The following ARHGEF9 variants were observed in gnomAD, a reference collection of about 807,000 sequenced individuals.
ARHGEF9 encodes the protein rho guanine nucleotide exchange factor 9.
In ARHGEF9, 2 loss-of-function variants were observed where a neutral mutation model predicts 41.3. The observed-to-expected ratio is 0.05, with a 90% CI of 0.02 to 0.15. The LOEUF is 0.15. Among genes scored for constraint, ARHGEF9 ranks in the 10% least tolerant of loss-of-function variants. ARHGEF9 has a pLI of 1.00. For synonymous variants in ARHGEF9, 160 were observed against 154.4 expected, an observed-to-expected ratio of 1.04 and a Z score of -0.27; for missense variants, 225 against 424.7, an observed-to-expected ratio of 0.53 and a Z score of 4.13.
intron 1 of ARHGEF9, among the ~76,000 whole-genome samples, chrX:63,742,157 T>C (rs1471116170): frequency 1.8e-5 from 2 of 112,009 alleles, no homozygotes; most frequent in East Asian, 5.6e-4. Context: ...CCACCCCTCA[T>C]TCATCTAAAG....
intron 7 of ARHGEF9, 85 bp from the exon 8 acceptor site, chrX:63,655,822 C>T: frequency 1.8e-6 from 2 of 1,129,636 alleles, no homozygotes; most frequent in East Asian, 3.0e-5. Context: ...AGAATGCTAA[C>T]ACTGTCACCG....
chrX:63,775,326 G>A lies in ARHGEF9; in HGVS notation c.30+9790C>T, dbSNP rs781862548. ...TTTCACCTAGCAATCCCATTACTGG[G>A]TATATAGCCAAAGGAATATAAATCA... On this transcript the variant is annotated intron_variant, in intron 1 of 9. Coordinates refer to ENST00000671741, the MANE Select transcript of ARHGEF9 (RefSeq NM_001353921.2). Among the ~76,000 whole-genome samples, 151 of 112,571 alleles carry A rather than the reference G, an allele frequency of 1.3e-3. 1 individual carries two copies. Among genetic ancestry groups the A allele is most frequent in the African/African-American group, 4.6e-3 (144 of 31,012 alleles).
intron 1 of ARHGEF9, chrX:63,726,499 C>A (rs2147636513): frequency 9.0e-6 from 1 of 111,461 alleles, no homozygotes; most frequent in South Asian, 3.9e-4. Context: ...CCACCATGCC[C>A]AGCTAATTTT....
chrX:63,647,345 C>T (rs782150900), intron 8 of ARHGEF9, among the ~76,000 whole-genome samples: 55 of 111,826 alleles, frequency 4.9e-4, no homozygotes, highest in African/African-American at 1.4e-3. Context: ...TTTGCCCATT[C>T]GGTATGATAT....
At position 63,762,229 on chromosome X, in the gene ARHGEF9, GAC is replaced by G. The variant is rs781947268; in HGVS notation, c.30+22885_30+22886del. Among the ~76,000 whole-genome samples the G allele has an allele frequency of 3.6e-5, 4 of 111,956 alleles. No individual in the cohort carries two copies. The South Asian group carries it at 1.5e-3, about 42-fold the overall frequency. The stretch of plus-strand genomic sequence containing the variant: ...GAACTGCAAGCCATTGGACATTCGG[GAC>G]ACAATCACTCATCATCAAATTAAGC... On this transcript the variant is annotated intron_variant, in intron 1 of 9. Transcript: ENST00000671741.
chrX:63,662,707 G>A (rs2049294367), intron 7 of ARHGEF9, among the ~76,000 whole-genome samples: 1 of 111,830 alleles, frequency 8.9e-6, no homozygotes, highest in African/African-American at 3.2e-5. Flanking sequence ...TATAATAATA[G>A]TACCTACCTC....
chrX:63,756,043 G>A (rs1556446745), intron 1 of ARHGEF9: 1 of 145,632 alleles, frequency 6.9e-6, no homozygotes. Context: ...GCCATGGAGT[G>A]GAGACCAGAA....
intron 1 of ARHGEF9, among the ~76,000 whole-genome samples, chrX:63,753,947 G>T (rs1297130009): frequency 8.9e-6 from 1 of 111,773 alleles, no homozygotes; most frequent in Admixed American, 9.5e-5. Flanking sequence ...CCACTGCAAA[G>T]ACTGTCTTTC....
intron 3 of ARHGEF9, among the ~76,000 whole-genome samples, chrX:63,698,388 C>A (rs1289522612): frequency 9.1e-6 from 1 of 110,491 alleles, no homozygotes; most frequent in Admixed American, 9.7e-5. Flanking sequence ...TAAATTGCAT[C>A]TTCCATTTGG....
Position 63,754,302 on chromosome X carries a change from A to G in ARHGEF9, c.31-29591T>C, listed in dbSNP as rs2032507313. ...CAAAAGATTTAGGGAGAGATAATAT[A>G]CCAACGTCATACATATCACAGCGAG... On this transcript the variant is annotated intron_variant, in intron 1 of 9. Transcript: ENST00000671741. 8.3e-7 allele frequency: 1 copy of G among 1,210,823 alleles called. No homozygotes were observed. The highest frequency in any genetic ancestry group is 1.1e-6 in the Non-Finnish European group (1 of 894,844).
Position 63,746,356 on chromosome X carries a change from C to CCCTTTTGCT in ARHGEF9, c.31-21654_31-21646dup, listed in dbSNP as rs782150932. ...AACCTTTTTTCTTCCTCCACATTGC[C>CCCTTTTGCT]CCTTTTGCTCCTTTCTTCAAAGCTT... On this transcript the variant is annotated intron_variant, in intron 1 of 9. Transcript: ENST00000671741. Among the ~76,000 whole-genome samples, 178 of 111,880 alleles carry CCCTTTTGCT rather than the reference C, an allele frequency of 1.6e-3. 12 individuals carry two copies. Among genetic ancestry groups the CCCTTTTGCT allele is most frequent in the Non-Finnish European group, 7.3e-4 (39 of 53,201 alleles).
chrX:63,648,193 C>G (rs1263529165), intron 8 of ARHGEF9, among the ~76,000 whole-genome samples: 3 of 111,305 alleles, frequency 2.7e-5, no homozygotes, highest in African/African-American at 9.8e-5. Context: ...TTAAGGGCAA[C>G]CAGAGAGAAA....
intron 2 of ARHGEF9, among the ~76,000 whole-genome samples, chrX:63,723,901 T>C (rs2053795953): frequency 8.9e-6 from 1 of 112,375 alleles, no homozygotes; most frequent in Admixed American, 9.4e-5. Context: ...AGACCTTACA[T>C]GCCACTTGCT....
intron 1 of ARHGEF9, among the ~76,000 whole-genome samples, chrX:63,770,234 GC>G (rs1556453923): frequency 8.9e-6 from 1 of 112,552 alleles, no homozygotes. Flanking sequence ...AAATTTAACT[GC>G]CCACCTCTTA....
At chrX:63,647,582 C>G (rs2048201942) in intron 8 of ARHGEF9, among the ~76,000 whole-genome samples, 1 of 111,232 alleles carries the variant, frequency 9.0e-6, no homozygotes, top group Admixed American at 9.6e-5. Context: ...GGATGAAGCC[C>G]ACTTGATCAT....
rs782805278 is a variant in ARHGEF9, at chrX:63,666,453, T to TACACACACACACACAC, written c.946-452_946-437dup. 4.0e-3 allele frequency among the ~76,000 whole-genome samples: 329 copies of TACACACACACACACAC among 81,251 alleles called. 3 individuals carry two copies. Among genetic ancestry groups the TACACACACACACACAC allele is most frequent in the South Asian group, 9.6e-3 (12 of 1,252 alleles). 70.6% of individuals were successfully genotyped at this position (81,251 alleles called of 115,157 possible). A position where few individuals can be genotyped will look rare whatever the true frequency, so the allele number is the denominator to read the frequency against. Reference sequence around the variant, plus strand: ...ACACATACACACATATATATATACATACACACACACACACACACACACACA... The same window carrying TACACACACACACACAC: ...ACACATACACACATATATATATACATACACACACACACACACACACACACACACACACACACACACA... On this transcript the variant is annotated intron_variant, in intron 6 of 9. Coordinates refer to ENST00000671741, the MANE Select transcript of ARHGEF9 (RefSeq NM_001353921.2).
chrX:63,716,410 A>G lies in ARHGEF9; in HGVS notation c.210+8122T>C, dbSNP rs782313228. Among the ~76,000 whole-genome samples the G allele has an allele frequency of 1.8e-5, 2 of 111,688 alleles. 1 individual carries two copies. The highest frequency in any genetic ancestry group is 3.8e-5 in the Non-Finnish European group (2 of 53,095). On this transcript the variant is annotated intron_variant, in intron 2 of 9. Coordinates refer to ENST00000671741, the MANE Select transcript of ARHGEF9 (RefSeq NM_001353921.2). ...AAGTGAGATTTGGCAAAGGTAAAGA[A>G]CTTGACTAAAGTGACAGAGCTTTGG...
chrX:63,716,071 G>A (rs1161145034), intron 2 of ARHGEF9: 4 of 111,690 alleles, frequency 3.6e-5, no homozygotes, highest in Non-Finnish European at 7.5e-5. Context: ...TGGATTGCTT[G>A]AGTCTAGGAG....
intron 4 of ARHGEF9, among the ~76,000 whole-genome samples, chrX:63,688,910 AAAGTT>A (rs1427993536): frequency 5.3e-5 from 6 of 112,577 alleles, no homozygotes; most frequent in East Asian, 5.6e-4. Flanking sequence ...TCTTTTGATC[AAAGTT>A]AAGTTGTCAT....
Sources: gnomAD v4.1 joint callset for allele counts (sites outside exome capture counted in the v4.1 genomes callset) on GRCh38, gnomAD v4.1.1 for gene constraint, MANE v1.5 for transcripts, NCBI Gene and HGNC (gene_info 2026-07-23, HGNC 2026-07-21) for gene names.